Variants in ACKR2 observed in about 807,000 individuals in gnomAD.
The protein encoded by ACKR2 is C-C chemokine receptor D6.
For synonymous variants in ACKR2, 207 were observed against 192.2 expected, an observed-to-expected ratio of 1.08 and a Z score of -0.64; for missense variants, 457 against 477.3, an observed-to-expected ratio of 0.96 and a Z score of 0.40.
At chr3:42,814,721 T>A (rs1405204655) in intron 1 of ACKR2, among the ~76,000 whole-genome samples, 1 of 152,220 alleles carries the variant, frequency 6.6e-6, no homozygotes, top group Admixed American at 6.5e-5. Flanking sequence ...ATTCTGAACT[T>A]AAAGACTCAG....
At chr3:42,831,982 G>A (rs1021426859) in intron 2 of ACKR2, among the ~76,000 whole-genome samples, 1 of 152,186 alleles carries the variant, frequency 6.6e-6, no homozygotes, top group African/African-American at 2.4e-5. Context: ...TATTCAGCCA[G>A]AAATTATGTC....
At chr3:42,825,584 TGTGTGTGTGTGTGTGTGC>T (rs1451495669) in intron 2 of ACKR2, among the ~76,000 whole-genome samples, 2 of 150,952 alleles carry the variant, frequency 1.3e-5, no homozygotes, top group African/African-American at 4.9e-5. Context: ...CTGATGTGTG[TGTGTGTGTGTGTGTGTGC>T]GTGTGTGTGT....
chr3:42,856,564 C>T, intron 2 of ACKR2: 1 of 567,622 alleles, frequency 1.8e-6, no homozygotes, highest in Non-Finnish European at 3.1e-6. Context: ...TATTATAAGA[C>T]CTCATAAAAT....
At chr3:42,845,123 C>T (rs986352403) in intron 2 of ACKR2, among the ~76,000 whole-genome samples, 1 of 152,208 alleles carries the variant, frequency 6.6e-6, no homozygotes, top group Non-Finnish European at 1.5e-5. Context: ...CCGCAAACAC[C>T]AGGACCGTGG....
At chr3:42,824,469 C>T (rs1700841808) in intron 2 of ACKR2, among the ~76,000 whole-genome samples, 1 of 152,170 alleles carries the variant, frequency 6.6e-6, no homozygotes, top group South Asian at 2.1e-4. Context: ...CATTTTTCAT[C>T]ATGCCAAACA....
At chr3:42,811,958 C>T (rs887603348) in intron 1 of ACKR2, among the ~76,000 whole-genome samples, 1 of 152,186 alleles carries the variant, frequency 6.6e-6, no homozygotes, top group Non-Finnish European at 1.5e-5. Context: ...CCCATTATCA[C>T]CCTGTTCTCC....
chr3:42,838,838 G>A (rs142742008), intron 2 of ACKR2, among the ~76,000 whole-genome samples: 1 of 152,316 alleles, frequency 6.6e-6, no homozygotes, highest in African/African-American at 2.4e-5. Flanking sequence ...TTAAACTGTG[G>A]TGCATCTGTA....
chr3:42,843,109 C>T (rs1701057691), intron 2 of ACKR2, among the ~76,000 whole-genome samples: 1 of 151,078 alleles, frequency 6.6e-6, no homozygotes, highest in African/African-American at 2.4e-5. Context: ...CTCTCTCTCT[C>T]TGTTGTCCAG....
Position 42,852,305 on chromosome 3 carries a change from A to C in ACKR2, c.-37-12161A>C, listed in dbSNP as rs1303442432. 1 of 152,176 alleles carries C rather than the reference A, an allele frequency of 6.6e-6. No individual in the cohort carries two copies. Among genetic ancestry groups the C allele is most frequent in the Admixed American group, 6.5e-5 (1 of 15,282 alleles). 9.4% of individuals were successfully genotyped at this position (152,176 alleles called of 1,614,324 possible). A position where few individuals can be genotyped will look rare whatever the true frequency, so the allele number is the denominator to read the frequency against. On this transcript the variant is annotated intron_variant, in intron 2 of 2. Coordinates refer to ENST00000422265, the MANE Select transcript of ACKR2 (RefSeq NM_001296.5). The surrounding 1 kb of genome is among the most constrained non-coding windows in gnomAD (Gnocchi z 4.3). The stretch of plus-strand genomic sequence containing the variant: ...CGCAAGGAGTTCTCATGGGAACATT[A>C]CAGGCAACAAGTACAGAGGCAAAAA...
At chr3:42,817,290 G>A (rs1700762037) in intron 1 of ACKR2, among the ~76,000 whole-genome samples, 1 of 152,114 alleles carries the variant, frequency 6.6e-6, no homozygotes, top group Non-Finnish European at 1.5e-5. Flanking sequence ...AGACCGTGAA[G>A]TTTTCTGACC....
At position 42,838,014 on chromosome 3, in the gene ACKR2, A is replaced by G. The variant is rs934326173; in HGVS notation, c.-38+18303A>G. 4.6e-5 allele frequency among the ~76,000 whole-genome samples: 7 copies of G among 152,240 alleles called. No homozygotes were observed. In the South Asian group the frequency reaches 8.3e-4, roughly 18 times the overall value. ...ATATTATCAGAAACCTCTTTCAAAT[A>G]GCCTTCCAAGGTTTGCTAATACAGA... On this transcript the variant is annotated intron_variant, in intron 2 of 2. Coordinates refer to ENST00000422265, the MANE Select transcript of ACKR2 (RefSeq NM_001296.5).
At position 42,810,245 on chromosome 3, in the gene ACKR2, TG is replaced by T. The variant is rs551298836; in HGVS notation, c.-119+714del. On this transcript the variant is annotated intron_variant, in intron 1 of 2. Transcript: ENST00000422265. ...AGAATATCTTTCAATCTGTTGGTAATGTGATTGGAATGATGAGTTAGGAGTC... is the reference window on the plus strand; with the variant it reads ...AGAATATCTTTCAATCTGTTGGTAATTGATTGGAATGATGAGTTAGGAGTC... Among the ~76,000 whole-genome samples the T allele has an allele frequency of 5.8e-4, 88 of 152,306 alleles. 1 individual carries two copies. In the South Asian group the frequency reaches 0.017, roughly 30 times the overall value.
chr3:42,847,445 G>A (rs1290448657), intron 2 of ACKR2, among the ~76,000 whole-genome samples: 1 of 152,200 alleles, frequency 6.6e-6, no homozygotes, highest in Non-Finnish European at 1.5e-5. Flanking sequence ...GCAAATAAAA[G>A]TGAGTAAATG....
At position 42,864,839 on chromosome 3, in the gene ACKR2, G is replaced by A. The variant is rs200716300; in HGVS notation, c.337G>A (p.Gly113Arg). ...CTCCGTGGCCTGGCATTGGGTCTTC[G>A]GGAGTTTCTTGTGCAAGATGGTGAG... Reference protein sequence around the residue: ...GISVAWHWVFGSFLCKMVSTL... With the variant: ...GISVAWHWVFRSFLCKMVSTL... The change falls in exon 3 of 3, where the codon GGG (glycine) becomes AGG (arginine). Residue 113 changes from glycine (G) to arginine (R), a missense_variant. Coordinates refer to ENST00000422265, the MANE Select transcript of ACKR2 (RefSeq NM_001296.5). The A allele has an allele frequency of 8.1e-6, 13 of 1,614,030 alleles. No homozygotes were observed. Among genetic ancestry groups the A allele is most frequent in the South Asian group, 4.4e-5 (4 of 91,074 alleles).
At chr3:42,836,822 T>A (rs957593658) in intron 2 of ACKR2, among the ~76,000 whole-genome samples, 1 of 152,286 alleles carries the variant, frequency 6.6e-6, no homozygotes, top group Non-Finnish European at 1.5e-5. Flanking sequence ...TCAGGACTAG[T>A]GTATGAAATG....
At position 42,865,340 on chromosome 3, in the gene ACKR2, G is replaced by C. The variant is rs765093153; in HGVS notation, c.838G>C (p.Val280Leu). Reference protein sequence around the residue: ...LFLHTLLDLQVFGNCEVSQHL... With the variant: ...LFLHTLLDLQLFGNCEVSQHL... ...TCTGCATACGCTGTTGGACCTGCAAGTATTCGGGAACTGTGAGGTCAGCCA... is the reference window on the plus strand; with the variant it reads ...TCTGCATACGCTGTTGGACCTGCAACTATTCGGGAACTGTGAGGTCAGCCA... Residue 280 changes from valine (V) to leucine (L), a missense_variant, in exon 3 of 3, where the codon GTA becomes CTA. Coordinates refer to ENST00000422265, the MANE Select transcript of ACKR2 (RefSeq NM_001296.5). 3.7e-6 allele frequency: 6 copies of C among 1,614,216 alleles called. No homozygotes were observed. Among genetic ancestry groups the C allele is most frequent in the Non-Finnish European group, 5.1e-6 (6 of 1,180,036 alleles).
At chr3:42,845,193 C>T (rs897898345) in intron 2 of ACKR2, among the ~76,000 whole-genome samples, 6 of 152,186 alleles carry the variant, frequency 3.9e-5, no homozygotes, top group African/African-American at 7.2e-5. Flanking sequence ...CCTGCTGCCT[C>T]TTACCTTCTC....
intron 2 of ACKR2, among the ~76,000 whole-genome samples, chr3:42,853,110 T>G (rs1469013621): frequency 1.3e-5 from 2 of 152,166 alleles, no homozygotes; most frequent in Non-Finnish European, 2.9e-5. Context: ...TTATCTTCAT[T>G]GTGTTTTATA....
Position 42,817,217 on chromosome 3 carries a change from T to C in ACKR2, c.-118-2414T>C, listed in dbSNP as rs957456412. On this transcript the variant is annotated intron_variant, in intron 1 of 2. Transcript: ENST00000422265. ...TCTCACCAAACCAGGCCCCTTCCTC[T>C]TGCTGCTATCTTCTTAAGCATTAAC... Among the ~76,000 whole-genome samples the C allele has an allele frequency of 2.6e-5, 4 of 152,186 alleles. No individual in the cohort carries two copies. The East Asian group carries it at 5.8e-4, about 22-fold the overall frequency.
Sources: allele counts gnomAD v4.1 joint callset (sites outside exome capture counted in the v4.1 genomes callset), GRCh38; gene constraint gnomAD v4.1.1; non-coding constraint Gnocchi (gnomAD v3.1); transcripts MANE v1.5; gene names NCBI Gene and HGNC (gene_info 2026-07-23, HGNC 2026-07-21).